Variants in PRH1 observed in about 807,000 individuals in gnomAD.
PRH1 encodes salivary acidic proline-rich phosphoprotein 1/2.
A neutral mutation model predicts 7.9 loss-of-function variants in PRH1; 7 were observed. That is an observed-to-expected ratio of 0.89 (90% CI 0.50 to 1.67). The LOEUF is 1.67. PRH1 is among the 40% of genes most tolerant of loss of function. PRH1 has a pLI of 0.00. For synonymous variants in PRH1, 45 were observed against 80.8 expected (o/e 0.56, Z 2.38); for missense variants, 109 against 223.6 (o/e 0.49, Z 3.27).
intron 2 of PRH1, among the ~76,000 whole-genome samples, chr12:10,917,534 G>C (rs892065848): frequency 3.3e-5 from 5 of 152,084 alleles, no homozygotes; most frequent in Non-Finnish European, 5.9e-5. Flanking sequence ...AAATATTTTA[G>C]TTTTTTATAA....
chr12:11,063,758 T>A lies in PRH1; in HGVS notation n.124-16570A>T, dbSNP rs534091284. ...AGGTTTGTTCTTGTGAGGTCGATAATTAAGGCTAGAAGAAATCCATTGGAA... is the reference window on the plus strand; with the variant it reads ...AGGTTTGTTCTTGTGAGGTCGATAAATAAGGCTAGAAGAAATCCATTGGAA... On this transcript the variant is annotated intron_variant and non_coding_transcript_variant, in intron 1 of 4. Coordinates refer to the PRH1 transcript ENST00000541977. Among the ~76,000 whole-genome samples the A allele has an allele frequency of 4.6e-5, 7 of 152,150 alleles. No individual in the cohort carries two copies. The East Asian group carries it at 1.2e-3, about 25-fold the overall frequency.
At chr12:10,922,115 G>A (rs1205749984) in intron 2 of PRH1, among the ~76,000 whole-genome samples, 2 of 152,090 alleles carry the variant, frequency 1.3e-5, no homozygotes, top group African/African-American at 4.8e-5. Context: ...ACTGTTTTTA[G>A]GAATAAATAT....
At chr12:11,051,067 A>G (rs1018925707), upstream of PRH1, among the ~76,000 whole-genome samples, 13 of 152,278 alleles carry the variant, frequency 8.5e-5, no homozygotes, top group African/African-American at 3.1e-4. Context: ...TATCTAATGC[A>G]GTTTTGGAGG....
chr12:10,907,659 G>C (rs1468982754), intron 2 of PRH1, among the ~76,000 whole-genome samples: 1 of 151,564 alleles, frequency 6.6e-6, no homozygotes, highest in Non-Finnish European at 1.5e-5. Flanking sequence ...GGAGGGGAGA[G>C]GGTAAACTGC....
chr12:11,102,844 G>GA (rs1455816317), intron 1 of PRH1, among the ~76,000 whole-genome samples: 1 of 152,092 alleles, frequency 6.6e-6, no homozygotes, highest in South Asian at 2.1e-4. Flanking sequence ...AAATTTACAA[G>GA]AAAAAAATCA....
At chr12:11,004,448 T>C (rs1407646232) in intron 1 of PRH1, among the ~76,000 whole-genome samples, 2 of 152,052 alleles carry the variant, frequency 1.3e-5, no homozygotes, top group Non-Finnish European at 2.9e-5. Context: ...GAGGTTGCGG[T>C]GAGCTGAGAT....
chr12:10,886,408 G>T (rs1023538609), upstream of PRH1, among the ~76,000 whole-genome samples: 3 of 152,182 alleles, frequency 2.0e-5, no homozygotes, highest in African/African-American at 7.2e-5. Flanking sequence ...CCTCCTAAAG[G>T]TCACTCAGCT....
At chr12:11,070,672 C>T (rs1345261934) in intron 1 of PRH1, among the ~76,000 whole-genome samples, 3 of 152,188 alleles carry the variant, frequency 2.0e-5, no homozygotes, top group African/African-American at 4.8e-5. Flanking sequence ...CAAGACTTGA[C>T]GTTGCTGCAG....
At chr12:11,155,691 CT>C (rs1947229011) in intron 1 of PRH1, among the ~76,000 whole-genome samples, 1 of 152,006 alleles carries the variant, frequency 6.6e-6, no homozygotes, top group South Asian at 2.1e-4. Flanking sequence ...TGGTTCATTG[CT>C]TTCAATTTCT....
intron 2 of PRH1, among the ~76,000 whole-genome samples, chr12:10,931,587 A>T (rs1322727080): frequency 6.6e-6 from 1 of 152,182 alleles, no homozygotes; most frequent in Non-Finnish European, 1.5e-5. Flanking sequence ...CTGAATAGAC[A>T]TGTACCAAGC....
chr12:11,032,458 T>A (rs1218343294), intron 1 of PRH1, among the ~76,000 whole-genome samples: 1 of 152,184 alleles, frequency 6.6e-6, no homozygotes, highest in Non-Finnish European at 1.5e-5. Context: ...GCTAACACTT[T>A]CGTATAACTT....
intron 1 of PRH1, among the ~76,000 whole-genome samples, chr12:10,977,345 G>T (rs1248139048): frequency 6.6e-6 from 1 of 152,088 alleles, no homozygotes; most frequent in East Asian, 1.9e-4. Flanking sequence ...ATGCAGAAAA[G>T]GCTTTCAATA....
chr12:11,135,977 T>C (rs1946538380), intron 1 of PRH1, among the ~76,000 whole-genome samples: 1 of 152,076 alleles, frequency 6.6e-6, no homozygotes, highest in Non-Finnish European at 1.5e-5. Flanking sequence ...AAAACAAAAA[T>C]GGGAAATACC....
intron 1 of PRH1, among the ~76,000 whole-genome samples, chr12:11,155,059 G>A (rs1258353425): frequency 6.6e-6 from 1 of 152,068 alleles, no homozygotes. Context: ...TCATACATGT[G>A]GGCACAAATT....
intron 1 of PRH1, among the ~76,000 whole-genome samples, chr12:11,129,628 G>A (rs1379170126): frequency 2.0e-5 from 3 of 152,294 alleles, no homozygotes; most frequent in African/African-American, 7.2e-5. Context: ...ACTCACAAAT[G>A]CTTTCCAGGA....
chr12:11,061,365 C>T, intron 1 of PRH1: 1 of 1,610,912 alleles, frequency 6.2e-7, no homozygotes, highest in Non-Finnish European at 8.5e-7. Flanking sequence ...TCTTGTGAAT[C>T]TATGAAGATG....
intron 1 of PRH1, among the ~76,000 whole-genome samples, chr12:11,033,909 A>G (rs1942331345): frequency 6.6e-6 from 1 of 152,234 alleles, no homozygotes; most frequent in South Asian, 2.1e-4. Context: ...ACCATGATGC[A>G]GGGCAAGACA....
chr12:11,166,390 GT>G (rs1947586231), intron 1 of PRH1: 1 of 152,198 alleles, frequency 6.6e-6, no homozygotes, highest in Non-Finnish European at 1.5e-5. Flanking sequence ...GACTTCCCCT[GT>G]GACAACAGAC....
At chr12:11,047,988 C>T (rs532540482), upstream of PRH1, among the ~76,000 whole-genome samples, 10 of 152,144 alleles carry the variant, frequency 6.6e-5, no homozygotes, top group South Asian at 1.9e-3. Context: ...GCTGTAAGTT[C>T]CTAATTATAA....
Sources: gnomAD v4.1 joint callset for allele counts (sites outside exome capture counted in the v4.1 genomes callset) on GRCh38, gnomAD v4.1.1 for gene constraint, MANE v1.5 for transcripts, NCBI Gene and HGNC (gene_info 2026-07-23, HGNC 2026-07-21) for gene names.